PCNX4: variants seen among roughly 807,000 people sequenced by gnomAD.
PCNX4 encodes pecanex 4.
In PCNX4, 103 loss-of-function variants were observed where a neutral mutation model predicts 107.2. That is an observed-to-expected ratio of 0.96 (90% CI 0.82 to 1.13). The LOEUF (loss-of-function observed/expected upper bound fraction) is 1.13. Ranked by LOEUF, PCNX4 falls within the 50% of genes most tolerant of loss-of-function variation. PCNX4 has a pLI of 0.00. For missense variants in PCNX4, 1,528 were observed against 1,379.4 expected, an observed-to-expected ratio of 1.11 and a Z score of -1.71; for synonymous variants, 541 against 481.7, an observed-to-expected ratio of 1.12 and a Z score of -1.61.
intron 7 of PCNX4, 27 bp from the exon 8 acceptor site, chr14:60,121,169 T>TC: frequency 1.3e-6 from 2 of 1,500,232 alleles, no homozygotes; most frequent in Non-Finnish European, 1.8e-6. Flanking sequence ...TTCTTTTTTT[T>TC]TTTTTTTTTT....
At chr14:60,097,560 T>G (rs894286119) in intron 1 of PCNX4, among the ~76,000 whole-genome samples, 3 of 152,218 alleles carry the variant, frequency 2.0e-5, no homozygotes, top group Non-Finnish European at 4.4e-5. Flanking sequence ...TGTGGGCCTT[T>G]CCAAACATGT....
chr14:60,133,330 G>T (rs1227156998), intron 10 of PCNX4, among the ~76,000 whole-genome samples: 2 of 152,108 alleles, frequency 1.3e-5, no homozygotes, highest in Non-Finnish European at 2.9e-5. Context: ...AAAGAAATCG[G>T]TCACAAAAGA....
chr14:60,120,366 G>A (rs1359061987), intron 7 of PCNX4, among the ~76,000 whole-genome samples: 1 of 152,092 alleles, frequency 6.6e-6, no homozygotes, highest in Non-Finnish European at 1.5e-5. Context: ...AATCCCAAAA[G>A]GAGAGCAGAT....
At chr14:60,122,046 G>A (rs1437292132) in intron 8 of PCNX4, among the ~76,000 whole-genome samples, 1 of 152,124 alleles carries the variant, frequency 6.6e-6, no homozygotes, top group Non-Finnish European at 1.5e-5. Flanking sequence ...AAAAATTCTA[G>A]AGTCATGTTT....
At chr14:60,112,197 TCAGA>T (rs1258832853) in intron 2 of PCNX4, among the ~76,000 whole-genome samples, 4 of 152,204 alleles carry the variant, frequency 2.6e-5, no homozygotes, top group South Asian at 4.1e-4. Flanking sequence ...AATGCTTAGC[TCAGA>T]CACTCAGGAA....
intron 1 of PCNX4, among the ~76,000 whole-genome samples, chr14:60,100,290 G>T (rs1188952161): frequency 6.6e-6 from 1 of 151,620 alleles, no homozygotes; most frequent in Non-Finnish European, 1.5e-5. Flanking sequence ...ATACATACTT[G>T]TAATTAATTT....
chr14:60,133,598 T>G (rs955285727), intron 10 of PCNX4: 14 of 454,220 alleles, frequency 3.1e-5, no homozygotes, highest in Admixed American at 7.8e-5. Context: ...ATGTGAATTA[T>G]ATCTCAACAA....
chr14:60,117,047 AAAAG>A (rs1291437567), intron 6 of PCNX4, among the ~76,000 whole-genome samples: 23 of 152,322 alleles, frequency 1.5e-4, no homozygotes, highest in African/African-American at 2.9e-4. Context: ...CAAAAAGTAA[AAAAG>A]AAAGTATAAA....
chr14:60,114,222 G>C (rs1043378054), intron 2 of PCNX4, among the ~76,000 whole-genome samples: 1 of 152,206 alleles, frequency 6.6e-6, no homozygotes, highest in East Asian at 1.9e-4. Context: ...GCTAATGTAT[G>C]AATGTGGGTA....
intron 8 of PCNX4, among the ~76,000 whole-genome samples, chr14:60,123,877 C>T (rs1304213072): frequency 1.3e-5 from 2 of 151,932 alleles, no homozygotes; most frequent in African/African-American, 4.8e-5. Context: ...TTTTTTTCTC[C>T]TCCAGGATTA....
chr14:60,133,543 A>T (rs1400766296), intron 10 of PCNX4: 4 of 393,556 alleles, frequency 1.0e-5, no homozygotes, highest in African/African-American at 8.5e-5. Flanking sequence ...GACTATAATA[A>T]AAGCCACTGA....
intron 10 of PCNX4, among the ~76,000 whole-genome samples, chr14:60,130,732 G>A (rs774910205): frequency 7.2e-5 from 11 of 151,950 alleles, no homozygotes; most frequent in Non-Finnish European, 1.6e-4. Context: ...ACTGGATAAA[G>A]GAAATGAATC....
chr14:60,094,768 C>CCA (rs1555392136), intron 1 of PCNX4, among the ~76,000 whole-genome samples: 1 of 120,952 alleles, frequency 8.3e-6, no homozygotes, highest in Non-Finnish European at 1.7e-5. Flanking sequence ...AGAGCCCCCC[C>CCA]CCACCCCCAT....
chr14:60,138,096 G>GA lies in PCNX4; in HGVS notation c.*3890dup, dbSNP rs79900253. 0.025 allele frequency: 1,902 copies of GA among 76,122 alleles called. 31 individuals are homozygous for GA. Among genetic ancestry groups the GA allele is most frequent in the African/African-American group, 0.071 (1,517 of 21,512 alleles). The allele number at this position is 76,122 out of a possible 1,614,324, so 4.7% of individuals were successfully genotyped here. The stretch of plus-strand genomic sequence containing the variant: ...ACAGAGCGAGACTCCATCTCAAAAA[G>GA]AAAAAAAAAAAAAAAGGATTCAGTG... On this transcript the variant is annotated 3_prime_UTR_variant, in exon 11 of 11. Coordinates refer to ENST00000406854, the MANE Select transcript of PCNX4 (RefSeq NM_001330177.2).
Position 60,124,813 on chromosome 14 carries a change from TA to T in PCNX4, c.2643del (p.Gly882AspfsTer28). 1 of 1,613,652 alleles carries T rather than the reference TA, an allele frequency of 6.2e-7. No homozygotes were observed. The highest frequency in any genetic ancestry group is 8.5e-7 in the Non-Finnish European group (1 of 1,179,786). ...AACGATCTTTACAAAGCAGTTCTAT[TA>T]GGATACCCTGCTGTTGACAAAGGAA... ...PENDLYKAVL[L>X]GYPAVDKGKQ... On this transcript the variant is annotated frameshift_variant, in exon 9 of 11. Transcript: ENST00000406854. LOFTEE classifies it high-confidence loss of function.
intron 8 of PCNX4, 28 bp downstream of exon 8, chr14:60,121,327 T>G: frequency 6.3e-7 from 1 of 1,593,748 alleles, no homozygotes; most frequent in Non-Finnish European, 8.5e-7. Context: ...ACATCTGTAG[T>G]ATTTTTATAG....
At chr14:60,133,218 A>T (rs1420532050) in intron 10 of PCNX4, among the ~76,000 whole-genome samples, 1 of 152,220 alleles carries the variant, frequency 6.6e-6, no homozygotes, top group African/African-American at 2.4e-5. Context: ...GCTGAAAACA[A>T]ATTTTATTAT....
At chr14:60,098,854 C>T (rs1277463300) in intron 1 of PCNX4, among the ~76,000 whole-genome samples, 1 of 151,770 alleles carries the variant, frequency 6.6e-6, no homozygotes, top group Non-Finnish European at 1.5e-5. Context: ...AGGAGAATCG[C>T]TTGAACCCGA....
Position 60,145,836 on chromosome 14 carries a change from AATG to A in PCNX4, c.*11618_*11620del, listed in dbSNP as rs1286923799. 1 of 152,080 alleles carries A rather than the reference AATG, an allele frequency of 6.6e-6. No individual in the cohort carries two copies. The highest frequency in any genetic ancestry group is 2.4e-5 in the African/African-American group (1 of 41,442). The allele number at this position is 152,080 out of a possible 1,614,324, so 9.4% of individuals were successfully genotyped here. On this transcript the variant is annotated 3_prime_UTR_variant, in exon 11 of 11. Coordinates refer to ENST00000406854, the MANE Select transcript of PCNX4 (RefSeq NM_001330177.2). The surrounding 1 kb of genome is among the most constrained non-coding windows in gnomAD (Gnocchi z 4.0). ...GCACTAAGAAAGACAAAATAATAAT[AATG>A]ATAATACAAAATTCAGTGTAGCCAC...
Sources: allele counts gnomAD v4.1 joint callset (sites outside exome capture counted in the v4.1 genomes callset), GRCh38; gene constraint gnomAD v4.1.1; non-coding constraint Gnocchi (gnomAD v3.1); transcripts MANE v1.5; gene names NCBI Gene and HGNC (gene_info 2026-07-23, HGNC 2026-07-21).